Variants in TMCC1 observed in about 807,000 individuals in gnomAD.
The protein encoded by TMCC1 is transmembrane and coiled-coil domains protein 1.
Under a neutral mutation model 52.4 loss-of-function variants are expected in TMCC1, and 15 were observed. That is an observed-to-expected ratio of 0.29 (90% CI 0.19 to 0.44). The LOEUF is 0.44. Among genes scored for constraint, TMCC1 ranks in the 20% least tolerant of loss-of-function variants. TMCC1 has a pLI of 1.00. For synonymous variants in TMCC1, 279 were observed against 301.9 expected (o/e 0.92, Z 0.79); for missense variants, 503 against 806.0 (o/e 0.62, Z 4.55).
chr3:129,723,507 G>C lies in TMCC1; in HGVS notation c.577-52243C>G, dbSNP rs368186622. Reference sequence around the variant, plus strand: ...ATTTAACCCATGTTTTTCCCAAGCAGTCCAAGGCAAATGAAACTCTTGTTC... The same window carrying C: ...ATTTAACCCATGTTTTTCCCAAGCACTCCAAGGCAAATGAAACTCTTGTTC... On this transcript the variant is annotated intron_variant, in intron 4 of 6. Coordinates refer to ENST00000393238, the MANE Select transcript of TMCC1 (RefSeq NM_001017395.5). Among the ~76,000 whole-genome samples the C allele has an allele frequency of 7.3e-5, 11 of 151,524 alleles. No homozygotes were observed. In the East Asian group the frequency reaches 1.4e-3, roughly 19 times the overall value.
At chr3:129,727,086 T>C (rs1008954870) in intron 4 of TMCC1, among the ~76,000 whole-genome samples, 9 of 151,958 alleles carry the variant, frequency 5.9e-5, no homozygotes, top group African/African-American at 2.2e-4. Flanking sequence ...TGCACTGTCA[T>C]ACCAATCTGT....
At chr3:129,687,605 A>G (rs1275157404) in intron 4 of TMCC1, among the ~76,000 whole-genome samples, 1 of 152,230 alleles carries the variant, frequency 6.6e-6, no homozygotes, top group Non-Finnish European at 1.5e-5. Context: ...TCTGGCAAAG[A>G]AAATATACAA....
At chr3:129,861,602 G>T (rs2060401441) in intron 2 of TMCC1, among the ~76,000 whole-genome samples, 1 of 151,890 alleles carries the variant, frequency 6.6e-6, no homozygotes. Context: ...TATCCAAATG[G>T]CCAAAAGACA....
intron 2 of TMCC1, among the ~76,000 whole-genome samples, chr3:129,869,455 T>C (rs537575132): frequency 6.6e-6 from 1 of 152,304 alleles, no homozygotes; most frequent in East Asian, 1.9e-4. Context: ...AACCCCTGAA[T>C]TTGCAGCCAA....
At chr3:129,727,547 T>A (rs2050202247) in intron 4 of TMCC1, among the ~76,000 whole-genome samples, 1 of 152,214 alleles carries the variant, frequency 6.6e-6, no homozygotes, top group Non-Finnish European at 1.5e-5. Context: ...TTTAAAATAA[T>A]CACATTTTAC....
In TMCC1 at chr3:129,762,578, A is replaced by G. The variant is rs541426045; in HGVS notation, c.576+65225T>C. ...CAAGGCGGGAGAACTGCTTGAGGCC[A>G]GGAGTTCAAGACCAGCCTAAGCAAC... On this transcript the variant is annotated intron_variant, in intron 4 of 6. Transcript: ENST00000393238. Among the ~76,000 whole-genome samples, 9 of 151,794 alleles carry G rather than the reference A, an allele frequency of 5.9e-5. No homozygotes were observed. In the South Asian group the frequency reaches 1.7e-3, roughly 28 times the overall value.
intron 4 of TMCC1, among the ~76,000 whole-genome samples, chr3:129,783,142 T>A (rs2055676395): frequency 6.6e-6 from 1 of 152,184 alleles, no homozygotes; most frequent in African/African-American, 2.4e-5. Flanking sequence ...ACAGCTCAAG[T>A]ATTGTGTCAC....
At chr3:129,858,615 AC>A (rs2060248696) in intron 2 of TMCC1, among the ~76,000 whole-genome samples, 2 of 151,712 alleles carry the variant, frequency 1.3e-5, no homozygotes. Context: ...CAAGCAATCC[AC>A]CCACCTCAGC....
chr3:129,672,308 C>CT (rs1361008384), intron 4 of TMCC1, among the ~76,000 whole-genome samples: 1 of 152,136 alleles, frequency 6.6e-6, no homozygotes, highest in Non-Finnish European at 1.5e-5. Flanking sequence ...GCTCTAGAAA[C>CT]TGTTCTTGGC....
rs1352183064 is a variant in TMCC1, at chr3:129,650,657, A to G, written c.*824T>C. 1.3e-5 allele frequency: 2 copies of G among 152,722 alleles called. No individual in the cohort carries two copies. The highest frequency in any genetic ancestry group is 1.9e-4 in the East Asian group (1 of 5,180). The allele number at this position is 152,722 out of a possible 1,614,324, so 9.5% of individuals were successfully genotyped here. A position where few individuals can be genotyped will look rare whatever the true frequency, so the allele number is the denominator to read the frequency against. ...AATAATAACAATAATAAAAAATCCT[A>G]TTAGAAACCATAAGGAAGCACTGAG... On this transcript the variant is annotated 3_prime_UTR_variant, in exon 7 of 7. Transcript: ENST00000393238.
At chr3:129,856,533 C>T (rs972649868) in intron 2 of TMCC1, among the ~76,000 whole-genome samples, 27 of 152,080 alleles carry the variant, frequency 1.8e-4, no homozygotes, top group African/African-American at 5.6e-4. Context: ...TATGAATCAA[C>T]GAATAATGCA....
intron 4 of TMCC1, among the ~76,000 whole-genome samples, chr3:129,804,946 T>C (rs2057380363): frequency 6.6e-6 from 1 of 152,192 alleles, no homozygotes; most frequent in African/African-American, 2.4e-5. Flanking sequence ...AACTAAGCTG[T>C]TATGGTACTT....
intron 4 of TMCC1, among the ~76,000 whole-genome samples, chr3:129,763,429 C>T (rs562234867): frequency 3.4e-5 from 5 of 147,194 alleles, no homozygotes; most frequent in African/African-American, 1.2e-4. Context: ...ACCTGTAGTC[C>T]CAACTACTTG....
intron 4 of TMCC1, among the ~76,000 whole-genome samples, chr3:129,827,068 A>G (rs917604051): frequency 6.6e-6 from 1 of 152,188 alleles, no homozygotes; most frequent in Non-Finnish European, 1.5e-5. Context: ...GCCTCTGTTA[A>G]ACAAAGCAGG....
rs1397042878 is a variant in TMCC1, at chr3:129,813,558, A to C, written c.576+14245T>G. Among the ~76,000 whole-genome samples, 2 of 152,170 alleles carry C rather than the reference A, an allele frequency of 1.3e-5. 1 individual carries two copies. Among genetic ancestry groups the C allele is most frequent in the African/African-American group, 4.8e-5 (2 of 41,440 alleles). On this transcript the variant is annotated intron_variant, in intron 4 of 6. Coordinates refer to ENST00000393238, the MANE Select transcript of TMCC1 (RefSeq NM_001017395.5). ...AACTAACACAGGAACAGAAAACCAT[A>C]TACCTCATGTTCTCACTTAACAAGA... is the stretch of plus-strand genomic sequence containing the variant.
At chr3:129,884,124 G>T (rs761666614) in intron 1 of TMCC1, among the ~76,000 whole-genome samples, 4 of 152,064 alleles carry the variant, frequency 2.6e-5, no homozygotes, top group Non-Finnish European at 5.9e-5. Context: ...TTCATTGTCA[G>T]CAAATGTGCA....
At chr3:129,856,807 T>C (rs551662120) in intron 2 of TMCC1, among the ~76,000 whole-genome samples, 48 of 152,306 alleles carry the variant, frequency 3.2e-4, no homozygotes, top group African/African-American at 1.1e-3. Flanking sequence ...GAAATTCTTT[T>C]AGGGAGTCTA....
chr3:129,850,085 T>A (rs1298679362), intron 2 of TMCC1, among the ~76,000 whole-genome samples: 2 of 152,148 alleles, frequency 1.3e-5, no homozygotes, highest in African/African-American at 4.8e-5. Context: ...AGGAGTCTAA[T>A]TCCTGATAGA....
intron 2 of TMCC1, among the ~76,000 whole-genome samples, chr3:129,833,128 T>G (rs189996804): frequency 7.2e-5 from 11 of 152,338 alleles, no homozygotes; most frequent in Non-Finnish European, 1.6e-4. Flanking sequence ...AACATTATCA[T>G]ACTGAATAAG....
Sources: allele counts gnomAD v4.1 joint callset (sites outside exome capture counted in the v4.1 genomes callset), GRCh38; gene constraint gnomAD v4.1.1; transcripts MANE v1.5; gene names NCBI Gene and HGNC (gene_info 2026-07-23, HGNC 2026-07-21).